CDH13: variants seen among roughly 807,000 people sequenced by gnomAD.
The protein encoded by CDH13 is cadherin 13.
Under a neutral mutation model 63.8 loss-of-function variants are expected in CDH13, and 24 were observed. That is an observed-to-expected ratio of 0.38 (90% CI 0.27 to 0.53). The LOEUF (loss-of-function observed/expected upper bound fraction) is 0.53, where lower values mean the gene tolerates loss of function less well. Ranked by LOEUF, CDH13 falls within the 20% of genes least tolerant of loss-of-function variation. The pLI, the probability that CDH13 is intolerant of heterozygous loss-of-function variation, is 0.85. For missense variants in CDH13, 1,049 were observed against 903.1 expected (o/e 1.16, Z -2.07); for synonymous variants, 503 against 355.3 (o/e 1.42, Z -4.67).
intron 1 of CDH13, chr16:82,705,208 T>G (rs1294729621): frequency 2.2e-6 from 1 of 455,544 alleles, no homozygotes; most frequent in East Asian, 7.0e-5. Context: ...ATGATGAGCT[T>G]TCAGGTATAT....
intron 4 of CDH13, among the ~76,000 whole-genome samples, chr16:83,157,295 A>G (rs181392490): frequency 0.012 from 1,726 of 145,116 alleles, 35 homozygotes; most frequent in African/African-American, 0.042. Context: ...TGTTCTCACA[A>G]GGAACAGGAG....
intron 10 of CDH13, among the ~76,000 whole-genome samples, chr16:83,736,714 C>T (rs1911573258): frequency 6.6e-6 from 1 of 152,274 alleles, no homozygotes; most frequent in East Asian, 1.9e-4. Context: ...AATAAATCTG[C>T]AAAATGGACT....
chr16:82,763,100 C>T (rs2034914784), intron 1 of CDH13, among the ~76,000 whole-genome samples: 2 of 152,168 alleles, frequency 1.3e-5, no homozygotes, highest in Admixed American at 1.3e-4. Context: ...CCAGAACACC[C>T]CAGGCGTCCT....
rs540730698 is a variant in CDH13 at position 83,485,784 on chromosome 16, T to C, written c.782-693T>C. Reference sequence around the variant, plus strand: ...CTGAGCTCCTGCACACCCAGGAGCATGCCTCTTTGTACTCCTGTTTCCCCA... The same window carrying C: ...CTGAGCTCCTGCACACCCAGGAGCACGCCTCTTTGTACTCCTGTTTCCCCA... On this transcript the variant is annotated intron_variant, in intron 6 of 13. Transcript: ENST00000567109. Among the ~76,000 whole-genome samples, 6 of 152,302 alleles carry C rather than the reference T, an allele frequency of 3.9e-5. No individual in the cohort carries two copies. The East Asian group carries it at 7.7e-4, about 20-fold the overall frequency.
intron 5 of CDH13, among the ~76,000 whole-genome samples, chr16:83,227,548 T>A (rs1398487776): frequency 1.3e-5 from 2 of 152,182 alleles, no homozygotes; most frequent in Non-Finnish European, 2.9e-5. Context: ...CCAGCCAACC[T>A]CCGTGTTACC....
intron 2 of CDH13, chr16:83,022,948 C>T (rs1915479938): frequency 6.6e-6 from 1 of 152,188 alleles, no homozygotes; most frequent in Non-Finnish European, 1.5e-5. Flanking sequence ...AAGTTTAAAT[C>T]CATCTGCATT....
chr16:83,288,755 T>A (rs1433943445), intron 5 of CDH13, among the ~76,000 whole-genome samples: 1 of 152,260 alleles, frequency 6.6e-6, no homozygotes, highest in African/African-American at 2.4e-5. Flanking sequence ...AGTGGACATG[T>A]CTTTATTTCT....
chr16:83,206,653 G>A (rs1335923003), intron 4 of CDH13, among the ~76,000 whole-genome samples: 1 of 152,228 alleles, frequency 6.6e-6, no homozygotes, highest in African/African-American at 2.4e-5. Flanking sequence ...CGTGGCCACT[G>A]CTCCTAGGAC....
At chr16:83,394,179 A>G (rs2091840410) in intron 6 of CDH13, among the ~76,000 whole-genome samples, 1 of 152,084 alleles carries the variant, frequency 6.6e-6, no homozygotes, top group African/African-American at 2.4e-5. Flanking sequence ...TAATCTGTAC[A>G]TGAAACCCCC....
chr16:83,329,681 G>T (rs1311194566), intron 5 of CDH13, among the ~76,000 whole-genome samples: 6 of 151,986 alleles, frequency 3.9e-5, no homozygotes, highest in African/African-American at 1.4e-4. Flanking sequence ...GCTACCCTTT[G>T]CCCCCTTTCT....
At chr16:83,794,529 G>A (rs939621995) in intron 13 of CDH13, among the ~76,000 whole-genome samples, 3 of 152,074 alleles carry the variant, frequency 2.0e-5, no homozygotes, top group Non-Finnish European at 4.4e-5. Flanking sequence ...CTCCAGCTGG[G>A]GCAACAGAAT....
chr16:83,472,291 C>T (rs1038843922), intron 6 of CDH13, among the ~76,000 whole-genome samples: 10 of 152,216 alleles, frequency 6.6e-5, no homozygotes, highest in Middle Eastern at 3.2e-3. Flanking sequence ...TATTGTGAGT[C>T]TGGATGGGAG....
At chr16:82,737,799 C>T (rs775842018) in intron 1 of CDH13, among the ~76,000 whole-genome samples, 1 of 152,160 alleles carries the variant, frequency 6.6e-6, no homozygotes, top group African/African-American at 2.4e-5. Context: ...AACAGCTTTA[C>T]TGAGGTATAA....
intron 1 of CDH13, among the ~76,000 whole-genome samples, chr16:82,790,430 G>C (rs1160747887): frequency 6.6e-6 from 1 of 152,012 alleles, no homozygotes; most frequent in Non-Finnish European, 1.5e-5. Flanking sequence ...GTGAGACTCT[G>C]TCTCAAAAAA....
chr16:83,564,551 G>A (rs1460205168), intron 7 of CDH13, among the ~76,000 whole-genome samples: 5 of 152,074 alleles, frequency 3.3e-5, no homozygotes, highest in African/African-American at 1.2e-4. Flanking sequence ...TGGTATTACA[G>A]GCATCTGCCA....
chr16:83,790,681 G>T (rs955979824), intron 13 of CDH13, among the ~76,000 whole-genome samples: 1 of 152,146 alleles, frequency 6.6e-6, no homozygotes, highest in Non-Finnish European at 1.5e-5. Context: ...GGGATTACAG[G>T]CGTGAGCCAC....
chr16:82,695,440 T>C (rs1284344032), intron 1 of CDH13, among the ~76,000 whole-genome samples: 1 of 152,230 alleles, frequency 6.6e-6, no homozygotes, highest in African/African-American at 2.4e-5. Context: ...GATCTGTTCC[T>C]ATATCTCTAC....
chr16:83,748,135 T>C lies in CDH13; in HGVS notation c.1566T>C (p.Gly522=). Residue 522 remains glycine (G), a synonymous_variant, in exon 11 of 14, where the codon GGT becomes GGC. Coordinates refer to ENST00000567109, the MANE Select transcript of CDH13 (RefSeq NM_001257.5). ...IRYSVYKDPA[G]WLNINPINGT... ...ATTCTGTTTACAAGGACCCAGCAGG[T>C]TGGCTGAATATTAACCCCATCAATG... The C allele has an allele frequency of 3.1e-6, 5 of 1,613,922 alleles. No individual in the cohort carries two copies. Among genetic ancestry groups the C allele is most frequent in the Non-Finnish European group, 4.2e-6 (5 of 1,179,872 alleles).
chr16:83,425,390 C>A (rs899860558), intron 6 of CDH13, among the ~76,000 whole-genome samples: 7 of 152,220 alleles, frequency 4.6e-5, no homozygotes, highest in Admixed American at 2.6e-4. Context: ...AATTATTGTT[C>A]TTACCCTTGA....
Sources: gnomAD v4.1 joint callset for allele counts (sites outside exome capture counted in the v4.1 genomes callset) on GRCh38, gnomAD v4.1.1 for gene constraint, MANE v1.5 for transcripts, NCBI Gene and HGNC (gene_info 2026-07-23, HGNC 2026-07-21) for gene names.